Variants in ENTPD4 observed in about 807,000 individuals in gnomAD.
ENTPD4 encodes the protein Golgi UDPase.
Under a neutral mutation model 79.1 loss-of-function variants are expected in ENTPD4, and 60 were observed. That is an observed-to-expected ratio of 0.76 (90% CI 0.62 to 0.94). The LOEUF is 0.94. Among genes scored for constraint, ENTPD4 ranks in the 40% least tolerant of loss-of-function variants. ENTPD4 has a pLI of 0.00. For missense variants in ENTPD4, 772 were observed against 775.1 expected, an observed-to-expected ratio of 1.00 and a Z score of 0.05; for synonymous variants, 276 against 292.0, an observed-to-expected ratio of 0.95 and a Z score of 0.56.
intron 1 of ENTPD4, among the ~76,000 whole-genome samples, chr8:23,456,225 G>C (rs1342369466): frequency 2.0e-5 from 3 of 152,174 alleles, no homozygotes; most frequent in Non-Finnish European, 4.4e-5. Context: ...CTCCAGTGCA[G>C]CAGGTCTCTC....
chr8:23,438,559 A>G (rs910849947), intron 9 of ENTPD4, among the ~76,000 whole-genome samples: 5 of 152,214 alleles, frequency 3.3e-5, no homozygotes, highest in African/African-American at 1.2e-4. Context: ...TAGTTGTCCT[A>G]TATCTAAATT....
In ENTPD4 at chr8:23,432,976, GGGC is replaced by G. The variant is rs1482913256; in HGVS notation, c.1798_1800del (p.Ala600del). On this transcript the variant is annotated inframe_deletion, in exon 13 of 13. Transcript: ENST00000358689. The stretch of plus-strand genomic sequence containing the variant: ...GCGGGAAGGCCCTCCTCCATCCAGA[GGGC>G]GGCGGCCGAGCTGCTCCGGGGAGTG... 6.2e-7 allele frequency: 1 copy of G among 1,613,222 alleles called. No individual in the cohort carries two copies. Among genetic ancestry groups the G allele is most frequent in the Non-Finnish European group, 8.5e-7 (1 of 1,179,640 alleles).
At chr8:23,438,917 T>C (rs966996887) in intron 9 of ENTPD4, among the ~76,000 whole-genome samples, 1 of 152,200 alleles carries the variant, frequency 6.6e-6, no homozygotes, top group African/African-American at 2.4e-5. Flanking sequence ...TTTATTAAGA[T>C]TACATTAATC....
chr8:23,429,768 G>T lies in ENTPD4; in HGVS notation c.*3158C>A. 1 of 985,454 alleles carries T rather than the reference G, an allele frequency of 1.0e-6. No individual in the cohort carries two copies. The highest frequency in any genetic ancestry group is 1.2e-6 in the Non-Finnish European group (1 of 829,940). The allele number at this position is 985,454 out of a possible 1,614,324, so 61.0% of individuals were successfully genotyped here. On this transcript the variant is annotated 3_prime_UTR_variant, in exon 13 of 13. Transcript: ENST00000358689. ...ATGTTACTGGCCTCAGCCACCAGCA[G>T]CGTCTTCACTCCGCCCAGGTCAGAA...
At chr8:23,438,577 A>G (rs551154460) in intron 9 of ENTPD4, among the ~76,000 whole-genome samples, 1 of 152,344 alleles carries the variant, frequency 6.6e-6, no homozygotes, top group South Asian at 2.1e-4. Flanking sequence ...ATTAAGAAGT[A>G]CCACTAAACT....
chr8:23,432,013 TCA>T lies in ENTPD4; in HGVS notation c.*911_*912del. 6 of 985,390 alleles carry T rather than the reference TCA, an allele frequency of 6.1e-6. No individual in the cohort carries two copies. The highest frequency in any genetic ancestry group is 7.2e-6 in the Non-Finnish European group (6 of 829,914). 61.0% of individuals were successfully genotyped at this position (985,390 alleles called of 1,614,324 possible). A position where few individuals can be genotyped will look rare whatever the true frequency, so the allele number is the denominator to read the frequency against. On this transcript the variant is annotated 3_prime_UTR_variant, in exon 13 of 13. Coordinates refer to ENST00000358689, the MANE Select transcript of ENTPD4 (RefSeq NM_004901.5). ...CCTCACGCTGGTTTCTTGGGATTTT[TCA>T]CACACTCGCACAAAGCTGTAGTCGA... is the stretch of plus-strand genomic sequence containing the variant.
In ENTPD4 at chr8:23,429,410, T is replaced by C. The variant is rs1800417137; in HGVS notation, c.*3516A>G. ...CCTTGGTTGGTCACATCATTCATTATTGAAAGGGAAACTTAGTATCAAAAG... is the reference window on the plus strand; with the variant it reads ...CCTTGGTTGGTCACATCATTCATTACTGAAAGGGAAACTTAGTATCAAAAG... On this transcript the variant is annotated 3_prime_UTR_variant, in exon 13 of 13. Transcript: ENST00000358689. 5 of 985,084 alleles carry C rather than the reference T, an allele frequency of 5.1e-6. No individual in the cohort carries two copies. The highest frequency in any genetic ancestry group is 6.0e-6 in the Non-Finnish European group (5 of 829,702). The allele number at this position is 985,084 out of a possible 1,614,324, so 61.0% of individuals were successfully genotyped here. A position where few individuals can be genotyped will look rare whatever the true frequency, so the allele number is the denominator to read the frequency against.
intron 1 of ENTPD4, among the ~76,000 whole-genome samples, chr8:23,456,201 A>G (rs1405859967): frequency 6.6e-6 from 1 of 152,184 alleles, no homozygotes; most frequent in Non-Finnish European, 1.5e-5. Flanking sequence ...TCAGTCCCAG[A>G]TACCATCTCT....
Position 23,432,789 on chromosome 8 carries a change from C to A in ENTPD4, c.*137G>T. ...CTGGGATTACAGGCGTGAGCCACCG[C>A]GCTCGGCCTGCATTTTGTTTTTGTT... On this transcript the variant is annotated 3_prime_UTR_variant, in exon 13 of 13. Coordinates refer to ENST00000358689, the MANE Select transcript of ENTPD4 (RefSeq NM_004901.5). 2 of 1,437,904 alleles carry A rather than the reference C, an allele frequency of 1.4e-6. No homozygotes were observed. The highest frequency in any genetic ancestry group is 1.8e-6 in the Non-Finnish European group (2 of 1,100,308). The allele number at this position is 1,437,904 out of a possible 1,614,324, so 89.1% of individuals were successfully genotyped here. A position where few individuals can be genotyped will look rare whatever the true frequency, so the allele number is the denominator to read the frequency against.
rs1193676919 is a variant in ENTPD4, at chr8:23,449,916, A to C, written c.-16T>G. 6.2e-7 allele frequency: 1 copy of C among 1,614,082 alleles called. No individual in the cohort carries two copies. Among genetic ancestry groups the C allele is most frequent in the Non-Finnish European group, 8.5e-7 (1 of 1,179,926 alleles). Reference sequence around the variant, plus strand: ...ACCTCCCCATACTGAAAGGTCAGCAACAAGGCAATGCTCTGGGATTCAGTC... The same window carrying C: ...ACCTCCCCATACTGAAAGGTCAGCACCAAGGCAATGCTCTGGGATTCAGTC... On this transcript the variant is annotated 5_prime_UTR_variant, in exon 2 of 13. Coordinates refer to ENST00000358689, the MANE Select transcript of ENTPD4 (RefSeq NM_004901.5).
At chr8:23,433,810 C>T (rs1339162574) in intron 12 of ENTPD4, among the ~76,000 whole-genome samples, 1 of 152,180 alleles carries the variant, frequency 6.6e-6, no homozygotes, top group Non-Finnish European at 1.5e-5. Context: ...ATCATTGACG[C>T]TCATTGACTA....
At position 23,437,264 on chromosome 8, in the gene ENTPD4, G is replaced by A; in HGVS notation, c.1050-6C>T. On this transcript the variant is annotated splice_region_variant and splice_polypyrimidine_tract_variant and intron_variant, in intron 9 of 12. Transcript: ENST00000358689. ...CAGTCTGTTTACCCAGGAGCCTATG[G>A]CAAAACAAGAAACTTCATCGTGAGT... is the stretch of plus-strand genomic sequence containing the variant. 6.4e-7 allele frequency: 1 copy of A among 1,563,406 alleles called. No homozygotes were observed. Among genetic ancestry groups the A allele is most frequent in the Middle Eastern group, 1.7e-4 (1 of 5,738 alleles).
intron 1 of ENTPD4, among the ~76,000 whole-genome samples, chr8:23,453,287 G>GAA (rs567585423): frequency 6.7e-6 from 1 of 150,286 alleles, no homozygotes; most frequent in Non-Finnish European, 1.5e-5. Context: ...AAAGTAAAAA[G>GAA]AAAAAAAAAT....
Position 23,447,836 on chromosome 8 carries a change from T to C in ENTPD4, c.256A>G (p.Asn86Asp). Residue 86 changes from asparagine (N) to aspartate (D), a missense_variant, in exon 4 of 13, where the codon AAT becomes GAT. Transcript: ENST00000358689. ...DIEATDTNNP[N>D]VNYGIVVDCG... is the part of the protein sequence containing the mutation. ...TCCACCACGATCCCATAGTTCACAT[T>C]GGGGTTATTGGTGTCTGTAGCTTCA... 4.3e-6 allele frequency: 7 copies of C among 1,614,230 alleles called. No individual in the cohort carries two copies. The highest frequency in any genetic ancestry group is 5.9e-6 in the Non-Finnish European group (7 of 1,180,034).
At chr8:23,453,916 G>A (rs1193780258) in intron 1 of ENTPD4, among the ~76,000 whole-genome samples, 2 of 152,190 alleles carry the variant, frequency 1.3e-5, no homozygotes, top group African/African-American at 2.4e-5. Flanking sequence ...AATACAATGT[G>A]ACTATTAAAG....
chr8:23,437,391 A>T lies in ENTPD4; in HGVS notation c.1050-133T>A. On this transcript the variant is annotated intron_variant, in intron 9 of 12. Transcript: ENST00000358689. Reference sequence around the variant, plus strand: ...TGCAGGACCGTGTCTGTGGAACAGAAAAGGGTTCCGAGATAATTAGTTAGG... The same window carrying T: ...TGCAGGACCGTGTCTGTGGAACAGATAAGGGTTCCGAGATAATTAGTTAGG... 3 of 647,606 alleles carry T rather than the reference A, an allele frequency of 4.6e-6. No individual in the cohort carries two copies. In the South Asian group the frequency reaches 6.5e-5, roughly 14 times the overall value. The allele number at this position is 647,606 out of a possible 1,614,324, so 40.1% of individuals were successfully genotyped here.
intron 6 of ENTPD4, 142 bp downstream of exon 6, chr8:23,443,708 A>G (rs972749582): frequency 1.6e-5 from 9 of 563,020 alleles, no homozygotes; most frequent in Non-Finnish European, 2.6e-5. Flanking sequence ...CTGATTTAGT[A>G]ATTTAAAAAT....
chr8:23,439,049 ATTT>A (rs919298231), intron 9 of ENTPD4, among the ~76,000 whole-genome samples: 41 of 152,212 alleles, frequency 2.7e-4, no homozygotes, highest in African/African-American at 9.2e-4. Flanking sequence ...CCAGATTCAG[ATTT>A]TTTTATTTAT....
At position 23,448,841 on chromosome 8, in the gene ENTPD4, A is replaced by C. The variant is rs2117301243; in HGVS notation, c.107T>G (p.Val36Gly). The part of the protein sequence containing the change: ...ILNTNLRQIM[V>G]ISVLAAAVSL... ...AACAGCAGCAGCCAGGACACTAATG[A>C]CCATAATTTGGCGTAAATTGGTATT... Residue 36 changes from valine (V) to glycine (G), a missense_variant, in exon 3 of 13, where the codon GTC becomes GGC. Coordinates refer to ENST00000358689, the MANE Select transcript of ENTPD4 (RefSeq NM_004901.5). 1.9e-6 allele frequency: 3 copies of C among 1,613,996 alleles called. No homozygotes were observed. The East Asian group carries it at 6.7e-5, about 36-fold the overall frequency.
Sources: gnomAD v4.1 joint callset for allele counts (sites outside exome capture counted in the v4.1 genomes callset) on GRCh38, gnomAD v4.1.1 for gene constraint, MANE v1.5 for transcripts, NCBI Gene and HGNC (gene_info 2026-07-23, HGNC 2026-07-21) for gene names.